CADM4: variants seen among roughly 807,000 people sequenced by gnomAD.
CADM4 encodes TSLC1-like 2.
CADM4 carries 13 observed loss-of-function variants against 43.9 expected under a neutral mutation model. That is an observed-to-expected ratio of 0.30 (90% CI 0.19 to 0.47). The LOEUF is 0.47. Ranked by LOEUF, CADM4 falls within the 20% of genes least tolerant of loss-of-function variation. The pLI is 1.00. For missense variants in CADM4, 420 were observed against 527.0 expected, an observed-to-expected ratio of 0.80 and a Z score of 1.99; for synonymous variants, 209 against 220.9, an observed-to-expected ratio of 0.95 and a Z score of 0.48.
rs1973748735 is a variant in CADM4 at position 43,639,714 on chromosome 19, C to T, written c.64+13G>A. 1.0e-5 allele frequency: 10 copies of T among 994,974 alleles called. No individual in the cohort carries two copies. In the South Asian group the frequency reaches 3.3e-4, roughly 33 times the overall value. The allele number at this position is 994,974 out of a possible 1,614,324, so 61.6% of individuals were successfully genotyped here. On this transcript the variant is annotated intron_variant, in intron 1 of 8. Coordinates refer to ENST00000222374, the MANE Select transcript of CADM4 (RefSeq NM_145296.2). ...CCCCAGCCCGGCCGGCCGACCCCGG[C>T]CCCCGACCCTACCTGGCCCCGCCGC...
Position 43,623,461 on chromosome 19 carries a change from G to A in CADM4, c.1058-22C>T, listed in dbSNP as rs754145498. 1.4e-6 allele frequency: 2 copies of A among 1,432,794 alleles called. No individual in the cohort carries two copies. Among genetic ancestry groups the A allele is most frequent in the Non-Finnish European group, 2.0e-6 (2 of 1,014,926 alleles). 88.8% of individuals were successfully genotyped at this position (1,432,794 alleles called of 1,614,324 possible). On this transcript the variant is annotated intron_variant, in intron 8 of 8. Coordinates refer to ENST00000222374, the MANE Select transcript of CADM4 (RefSeq NM_145296.2). The surrounding 1 kb of genome is among the most constrained non-coding windows in gnomAD (Gnocchi z 4.4). ...GAACCTGAGGGGGTGACAGACCCCCGGGGCAGGGGGGACATATTTGTGGAT... is the reference window on the plus strand; with the variant it reads ...GAACCTGAGGGGGTGACAGACCCCCAGGGCAGGGGGGACATATTTGTGGAT...
At chr19:43,639,939 G>A (rs937440615), upstream of CADM4, 6 of 525,312 alleles carry the variant, frequency 1.1e-5, no homozygotes, top group African/African-American at 1.3e-4. Flanking sequence ...AGGGGGAGAC[G>A]GAGGAGAGGC....
chr19:43,623,564 AAC>A lies in CADM4; in HGVS notation c.1058-127_1058-126del. The A allele has an allele frequency of 1.4e-6, 1 of 723,304 alleles. No homozygotes were observed. Among genetic ancestry groups the A allele is most frequent in the Admixed American group, 1.9e-5 (1 of 51,564 alleles). 44.8% of individuals were successfully genotyped at this position (723,304 alleles called of 1,614,324 possible). On this transcript the variant is annotated intron_variant, in intron 8 of 8. Transcript: ENST00000222374. The surrounding 1 kb of genome is among the most constrained non-coding windows in gnomAD (Gnocchi z 4.4). ...CAGGCGAAGGAAGAGGGAGAAACGG[AAC>A]ACACAGGGAGAGGCAGAGAAAGAGG... is the stretch of plus-strand genomic sequence containing the variant.
chr19:43,639,194 A>G (rs1351034734), intron 1 of CADM4, among the ~76,000 whole-genome samples: 1 of 151,814 alleles, frequency 6.6e-6, no homozygotes, highest in African/African-American at 2.4e-5. Context: ...GAGAATAGAC[A>G]GGATGATGGA....
At chr19:43,624,545 T>A (rs1460592036) in intron 7 of CADM4, among the ~76,000 whole-genome samples, 1 of 152,190 alleles carries the variant, frequency 6.6e-6, no homozygotes, top group African/African-American at 2.4e-5. Flanking sequence ...GCTCAAGCGA[T>A]CCTCCGGCCT....
At chr19:43,631,041 G>C (rs4802188) in intron 1 of CADM4, among the ~76,000 whole-genome samples, 82,521 of 151,872 alleles carry the variant, frequency 0.54, 23,105 homozygotes, top group African/African-American at 0.7. Flanking sequence ...AACCAATCAC[G>C]GTAATCAAAA....
chr19:43,625,008 T>C lies in CADM4; in HGVS notation c.928+70A>G, dbSNP rs1973499091. The C allele has an allele frequency of 9.0e-6, 13 of 1,445,858 alleles. No homozygotes were observed. Among genetic ancestry groups the C allele is most frequent in the Admixed American group, 2.3e-5 (1 of 43,788 alleles). 89.6% of individuals were successfully genotyped at this position (1,445,858 alleles called of 1,614,324 possible). A position where few individuals can be genotyped will look rare whatever the true frequency, so the allele number is the denominator to read the frequency against. On this transcript the variant is annotated intron_variant, in intron 7 of 8. Coordinates refer to ENST00000222374, the MANE Select transcript of CADM4 (RefSeq NM_145296.2). The surrounding 1 kb of genome is among the most constrained non-coding windows in gnomAD (Gnocchi z 4.5). ...CCGAACCCCTGAGTTATGTGGCCTCTTTGCTCAAGCCCCGCCCCCGCCACC... is the reference window on the plus strand; with the variant it reads ...CCGAACCCCTGAGTTATGTGGCCTCCTTGCTCAAGCCCCGCCCCCGCCACC...
upstream of CADM4, among the ~76,000 whole-genome samples, chr19:43,641,572 C>G (rs1481209663): frequency 1.3e-5 from 2 of 152,182 alleles, no homozygotes; most frequent in Admixed American, 1.3e-4. Flanking sequence ...AGCATCCTCT[C>G]TGTCCTCAGG....
chr19:43,623,458 C>A lies in CADM4; in HGVS notation c.1058-19G>T, dbSNP rs199624464. On this transcript the variant is annotated intron_variant, in intron 8 of 8. Transcript: ENST00000222374. This position sits in a 1 kb window ranked among gnomAD's most constrained non-coding sequence, Gnocchi z 4.4. ...TAGGAACCTGAGGGGGTGACAGACC[C>A]CCGGGGCAGGGGGGACATATTTGTG... 140 of 1,531,318 alleles carry A rather than the reference C, an allele frequency of 9.1e-5. No homozygotes were observed. In the East Asian group the frequency reaches 2.2e-3, roughly 24 times the overall value. 94.9% of individuals were successfully genotyped at this position (1,531,318 alleles called of 1,614,324 possible).
intron 1 of CADM4, among the ~76,000 whole-genome samples, chr19:43,637,242 G>A (rs1040117270): frequency 1.3e-5 from 2 of 152,106 alleles, no homozygotes; most frequent in Admixed American, 6.6e-5. Context: ...CATCTCCCCC[G>A]ATTCCTGCTG....
rs1199077135 is a variant in CADM4, at chr19:43,623,296, C to T, written c.*34G>A. The T allele has an allele frequency of 1.3e-6, 2 of 1,552,598 alleles. No homozygotes were observed. The highest frequency in any genetic ancestry group is 1.4e-5 in the African/African-American group (1 of 73,582). On this transcript the variant is annotated 3_prime_UTR_variant, in exon 9 of 9. Transcript: ENST00000222374. This position sits in a 1 kb window ranked among gnomAD's most constrained non-coding sequence, Gnocchi z 4.4. ...GCTGGCAGTGGGGGGGACCCCAGCCCAGGCCCAGGCCTAGGCCTGGGGTGG... is the reference window on the plus strand; with the variant it reads ...GCTGGCAGTGGGGGGGACCCCAGCCTAGGCCCAGGCCTAGGCCTGGGGTGG...
intron 1 of CADM4, among the ~76,000 whole-genome samples, chr19:43,635,886 T>G (rs1190165835): frequency 1.0e-5 from 1 of 96,370 alleles, no homozygotes; most frequent in African/African-American, 4.3e-5. Flanking sequence ...GACTCAGGAG[T>G]CTAAGACCCC....
chr19:43,640,289 G>T (rs1037480651), upstream of CADM4, among the ~76,000 whole-genome samples: 1 of 151,734 alleles, frequency 6.6e-6, no homozygotes, highest in Non-Finnish European at 1.5e-5. Flanking sequence ...CCAGCGTGAC[G>T]GGGGAGCGTA....
At chr19:43,640,812 C>G (rs1674534866), upstream of CADM4, among the ~76,000 whole-genome samples, 1 of 152,098 alleles carries the variant, frequency 6.6e-6, no homozygotes, top group Non-Finnish European at 1.5e-5. Context: ...TTCCCTGAGC[C>G]CACTTCTGTG....
rs1485342520 is a variant in CADM4, at chr19:43,628,486, G to A, written c.65-696C>T. 3.3e-5 allele frequency among the ~76,000 whole-genome samples: 5 copies of A among 152,080 alleles called. No individual in the cohort carries two copies. In the East Asian group the frequency reaches 7.7e-4, roughly 23 times the overall value. On this transcript the variant is annotated intron_variant, in intron 1 of 8. Coordinates refer to ENST00000222374, the MANE Select transcript of CADM4 (RefSeq NM_145296.2). Reference sequence around the variant, plus strand: ...GTAAGCAGGAGTTCACAAGGTGTGGGAGACTGCTGTGTGTTCACCAAGCCT... The same window carrying A: ...GTAAGCAGGAGTTCACAAGGTGTGGAAGACTGCTGTGTGTTCACCAAGCCT...
At chr19:43,639,606 A>C in intron 1 of CADM4, 121 bp downstream of exon 1, 6 of 492,296 alleles carry the variant, frequency 1.2e-5, no homozygotes, top group Non-Finnish European at 1.6e-5. Context: ...TGTCCCGGGG[A>C]GGGGGCCCGG....
intron 1 of CADM4, among the ~76,000 whole-genome samples, chr19:43,634,964 C>T (rs1973680393): frequency 6.6e-6 from 1 of 152,000 alleles, no homozygotes; most frequent in South Asian, 2.1e-4. Flanking sequence ...TCGATCAGGA[C>T]CCAGGAGTCT....
rs544465648 is a variant in CADM4, at chr19:43,629,722, G to A, written c.65-1932C>T. On this transcript the variant is annotated intron_variant, in intron 1 of 8. Coordinates refer to ENST00000222374, the MANE Select transcript of CADM4 (RefSeq NM_145296.2). ...AAACCTCCACCTCCCAAGTTCAAGC[G>A]ATTCTTCAGCCTCAGCCTCCCAAGT... 4.0e-5 allele frequency among the ~76,000 whole-genome samples: 6 copies of A among 151,808 alleles called. 1 individual carries two copies. Among genetic ancestry groups the A allele is most frequent in the Admixed American group, 6.6e-5 (1 of 15,214 alleles).
At position 43,625,228 on chromosome 19, in the gene CADM4, G is replaced by A. The variant is rs1973504858; in HGVS notation, c.778C>T (p.Arg260Cys). The change falls in exon 7 of 9, where the codon CGC (arginine) becomes TGC (cysteine). Residue 260 changes from arginine (R) to cysteine (C), a missense_variant. Physicochemically the swap from Arg to Cys is radical, Grantham distance 180. Coordinates refer to ENST00000222374, the MANE Select transcript of CADM4 (RefSeq NM_145296.2). The surrounding 1 kb of genome is among the most constrained non-coding windows in gnomAD (Gnocchi z 4.5). ...CTCTCCGGCAAAGACTCATTCCCGC[G>A]GTTCCAGCGGATCTGGTTTGGCCTG... ...NPRPNQIRWN[R>C]GNESLPERAE... 2 of 1,614,014 alleles carry A rather than the reference G, an allele frequency of 1.2e-6. No individual in the cohort carries two copies. Among genetic ancestry groups the A allele is most frequent in the Admixed American group, 1.7e-5 (1 of 59,984 alleles).
Sources: gnomAD v4.1 joint callset for allele counts (sites outside exome capture counted in the v4.1 genomes callset) on GRCh38, gnomAD v4.1.1 for gene constraint, Gnocchi (gnomAD v3.1) non-coding constraint, MANE v1.5 for transcripts, NCBI Gene and HGNC (gene_info 2026-07-23, HGNC 2026-07-21) for gene names.